Variants in SLC44A5 observed in about 807,000 individuals in gnomAD.
SLC44A5 encodes the protein solute carrier family 44 member 5.
A neutral mutation model predicts 101.8 loss-of-function variants in SLC44A5; 57 were observed. The observed-to-expected ratio is 0.56, with a 90% CI of 0.45 to 0.70. The LOEUF is 0.70. Among genes scored for constraint, SLC44A5 ranks in the 30% least tolerant of loss-of-function variants. The probability of loss-of-function intolerance (pLI) is 0.00; values close to 1 mark genes in which losing one functional copy is unlikely to be tolerated. For synonymous variants in SLC44A5, 281 were observed against 290.9 expected, an observed-to-expected ratio of 0.97 and a Z score of 0.35; for missense variants, 737 against 853.1, an observed-to-expected ratio of 0.86 and a Z score of 1.70.
At chr1:75,507,669 T>C (rs1048886198) in intron 2 of SLC44A5, among the ~76,000 whole-genome samples, 1 of 152,184 alleles carries the variant, frequency 6.6e-6, no homozygotes, top group African/African-American at 2.4e-5. Context: ...GCTGTGAGTC[T>C]GTCTGGTCCA....
intron 2 of SLC44A5, among the ~76,000 whole-genome samples, chr1:75,527,395 G>T (rs1446566333): frequency 6.9e-6 from 1 of 145,948 alleles, no homozygotes; most frequent in African/African-American, 2.4e-5. Flanking sequence ...CTCCTGTATG[G>T]GTCAGATGTG....
At chr1:75,477,636 G>C (rs1667516259) in intron 2 of SLC44A5, among the ~76,000 whole-genome samples, 1 of 152,168 alleles carries the variant, frequency 6.6e-6, no homozygotes, top group Non-Finnish European at 1.5e-5. Context: ...GTGATCAACT[G>C]GAAGAAAGGG....
intron 2 of SLC44A5, among the ~76,000 whole-genome samples, chr1:75,482,212 C>T (rs1044580713): frequency 6.7e-6 from 1 of 150,216 alleles, no homozygotes; most frequent in Admixed American, 6.7e-5. Context: ...TAGGTGGGAA[C>T]TGAACAATGA....
the SLC44A5 span, among the ~76,000 whole-genome samples, chr1:75,662,992 A>G: frequency 6.6e-6 from 1 of 152,192 alleles, no homozygotes; most frequent in Non-Finnish European, 1.5e-5. Flanking sequence ...GTTTATACAA[A>G]GATTAGTTCC....
the SLC44A5 span, among the ~76,000 whole-genome samples, chr1:75,693,250 G>T: frequency 1.3e-5 from 2 of 152,170 alleles, no homozygotes; most frequent in African/African-American, 4.8e-5. Flanking sequence ...GGGAAGTTTG[G>T]TGCCATCTGA....
At chr1:75,466,298 C>T (rs561564661) in intron 2 of SLC44A5, among the ~76,000 whole-genome samples, 1 of 152,110 alleles carries the variant, frequency 6.6e-6, no homozygotes, top group South Asian at 2.1e-4. Flanking sequence ...TCAATTGATG[C>T]TGAAAAAGCA....
At chr1:75,429,722 A>C (rs891407877) in intron 2 of SLC44A5, among the ~76,000 whole-genome samples, 1 of 152,114 alleles carries the variant, frequency 6.6e-6, no homozygotes, top group Non-Finnish European at 1.5e-5. Context: ...GTGAGAGATC[A>C]AGCAAGGGGT....
the SLC44A5 span, among the ~76,000 whole-genome samples, chr1:75,686,524 A>G: frequency 6.6e-6 from 1 of 152,224 alleles, no homozygotes; most frequent in South Asian, 2.1e-4. Context: ...GGAGGCCATA[A>G]ATGATGGGAA....
intron 2 of SLC44A5, among the ~76,000 whole-genome samples, chr1:75,516,979 ATAACTAGCCTATTTT>A (rs538884311): frequency 6.6e-6 from 1 of 152,306 alleles, no homozygotes; most frequent in South Asian, 2.1e-4. Context: ...TCATACTTCT[ATAACTAGCCTATTTT>A]TAGAGGTCTT....
Position 75,545,935 on chromosome 1 carries a change from G to A in SLC44A5, c.-69-4419C>T, listed in dbSNP as rs188642689. 1.8e-3 allele frequency among the ~76,000 whole-genome samples: 269 copies of A among 150,500 alleles called. 1 individual carries two copies. The highest frequency in any genetic ancestry group is 1.2e-3 in the Non-Finnish European group (82 of 67,744). On this transcript the variant is annotated intron_variant, in intron 1 of 23. Transcript: ENST00000370859. The stretch of plus-strand genomic sequence containing the variant: ...TCAACCTCCTCGGCTCAAGTGATTC[G>A]TCCCAACTCAACCTCCCAAGTAGCT...
intron 3 of SLC44A5, among the ~76,000 whole-genome samples, chr1:75,363,314 G>C (rs115595870): frequency 2.1e-3 from 324 of 151,984 alleles, no homozygotes; most frequent in Middle Eastern, 6.8e-3. Flanking sequence ...TTATTAATAG[G>C]TAAGGATGTA....
chr1:75,588,451 T>C (rs1674147038), intron 1 of SLC44A5, among the ~76,000 whole-genome samples: 4 of 151,234 alleles, frequency 2.6e-5, no homozygotes, highest in Admixed American at 2.6e-4. Context: ...ATAAGGAGAG[T>C]GAAGTTGAAA....
chr1:75,214,160 T>C (rs989060769), intron 20 of SLC44A5, among the ~76,000 whole-genome samples, 171 bp from the exon 21 acceptor site: 2 of 152,172 alleles, frequency 1.3e-5, no homozygotes, highest in Admixed American at 1.3e-4. Flanking sequence ...TGTTCTGACT[T>C]ATTTTTAATG....
intron 2 of SLC44A5, among the ~76,000 whole-genome samples, chr1:75,422,016 T>C (rs939146155): frequency 3.9e-5 from 6 of 152,176 alleles, no homozygotes; most frequent in South Asian, 2.1e-4. Flanking sequence ...TTGTGACCCC[T>C]CTCAGATATT....
the SLC44A5 span, among the ~76,000 whole-genome samples, chr1:75,644,985 T>C: frequency 1.3e-5 from 2 of 152,202 alleles, no homozygotes; most frequent in South Asian, 2.1e-4. Flanking sequence ...CATAGTATTC[T>C]ATGGTGTATA....
At chr1:75,545,323 T>C (rs1671587380) in intron 1 of SLC44A5, among the ~76,000 whole-genome samples, 1 of 152,204 alleles carries the variant, frequency 6.6e-6, no homozygotes, top group African/African-American at 2.4e-5. Flanking sequence ...AACATACGTG[T>C]TCATGTGTCT....
chr1:75,523,469 C>T (rs1436942417), intron 2 of SLC44A5, among the ~76,000 whole-genome samples: 2 of 151,172 alleles, frequency 1.3e-5, no homozygotes, highest in Admixed American at 6.6e-5. Flanking sequence ...CCTAACACCA[C>T]GCCCAGCTAA....
chr1:75,348,219 A>G (rs952804597), intron 3 of SLC44A5, among the ~76,000 whole-genome samples: 2 of 152,168 alleles, frequency 1.3e-5, no homozygotes, highest in South Asian at 2.1e-4. Flanking sequence ...AGCTTAAAGA[A>G]TATCTTAAAA....
chr1:75,215,700 A>G (rs374484671), intron 19 of SLC44A5, 54 bp downstream of exon 19: 1 of 1,048,934 alleles, frequency 9.5e-7, no homozygotes, highest in African/African-American at 1.6e-5. Flanking sequence ...ATGTAGACAC[A>G]AGGTTTGGGA....
Sources: allele counts gnomAD v4.1 joint callset (sites outside exome capture counted in the v4.1 genomes callset), GRCh38; gene constraint gnomAD v4.1.1; transcripts MANE v1.5; gene names NCBI Gene and HGNC (gene_info 2026-07-23, HGNC 2026-07-21).